Variants in CDKN2B-AS1 observed in about 807,000 individuals in gnomAD.
The protein encoded by CDKN2B-AS1 is CDKN2B and CDKN2A antisense cis and trans regulatory RNA 1.
At chr9:22,047,718 T>A (rs956007051) in intron 2 of CDKN2B-AS1, among the ~76,000 whole-genome samples, 1 of 152,162 alleles carries the variant, frequency 6.6e-6, no homozygotes, top group Non-Finnish European at 1.5e-5. Context: ...TCTAAATATT[T>A]TCCCTTTAAG....
intron 4 of CDKN2B-AS1, among the ~76,000 whole-genome samples, chr9:22,064,561 T>G (rs1823961822): frequency 6.6e-6 from 1 of 152,214 alleles, no homozygotes; most frequent in Admixed American, 6.5e-5. Context: ...AAACCTTAAT[T>G]GGAATTAATT....
chr9:22,100,768 C>T (rs1016569742), intron 4 of CDKN2B-AS1, among the ~76,000 whole-genome samples: 1 of 152,184 alleles, frequency 6.6e-6, no homozygotes, highest in African/African-American at 2.4e-5. Context: ...CTTCTACTAA[C>T]AATGTATGGA....
chr9:22,096,543 A>T (rs921546963), intron 4 of CDKN2B-AS1: 6 of 152,182 alleles, frequency 3.9e-5, no homozygotes, highest in Non-Finnish European at 8.8e-5. Context: ...TACAACTTAA[A>T]TCTGATCTTG....
chr9:22,077,382 C>A (rs1047343682), intron 4 of CDKN2B-AS1, among the ~76,000 whole-genome samples: 1 of 151,854 alleles, frequency 6.6e-6, no homozygotes, highest in African/African-American at 2.4e-5. Context: ...CATTAAATTG[C>A]CAATGGAAAT....
chr9:22,098,675 G>A lies in CDKN2B-AS1; in HGVS notation n.439-28428G>A, dbSNP rs10965231. Among the ~76,000 whole-genome samples, 906 of 152,224 alleles carry A rather than the reference G, an allele frequency of 6.0e-3. 8 individuals are homozygous for A. Among genetic ancestry groups the A allele is most frequent in the Admixed American group, 7.0e-3 (107 of 15,276 alleles). ...TTCTCTCATTGAGTCCCTTCAGCAA[G>A]CCCTTTTAGGTTTATGTTCTTAGAT... On this transcript the variant is annotated intron_variant and non_coding_transcript_variant, in intron 4 of 4. Coordinates refer to ENST00000650946, the Ensembl canonical transcript of CDKN2B-AS1.
chr9:22,097,661 A>G (rs1825329997), intron 4 of CDKN2B-AS1, among the ~76,000 whole-genome samples: 1 of 152,196 alleles, frequency 6.6e-6, no homozygotes, highest in African/African-American at 2.4e-5. Context: ...TTACAATTCT[A>G]AGAATAATAT....
rs140895701 is a variant in CDKN2B-AS1, at chr9:22,051,022, A to G, written n.302+1794A>G. The stretch of plus-strand genomic sequence containing the variant: ...AATATTGAGTTAATGACACAAGGAA[A>G]CACTTGGATGTTCATATTGTCTACT... On this transcript the variant is annotated intron_variant and non_coding_transcript_variant, in intron 3 of 4. Coordinates refer to ENST00000650946, the Ensembl canonical transcript of CDKN2B-AS1. 3.6e-4 allele frequency among the ~76,000 whole-genome samples: 55 copies of G among 152,288 alleles called. No homozygotes were observed. In the Middle Eastern group the frequency reaches 0.01, roughly 28 times the overall value.
intron 4 of CDKN2B-AS1, among the ~76,000 whole-genome samples, chr9:22,093,629 T>G (rs1825171747): frequency 7.2e-6 from 1 of 138,606 alleles, no homozygotes; most frequent in African/African-American, 3.2e-5. Context: ...TATCAGAGAC[T>G]AGGATTGCAA....
chr9:22,047,600 T>C (rs1028180253), intron 2 of CDKN2B-AS1, among the ~76,000 whole-genome samples: 1 of 152,148 alleles, frequency 6.6e-6, no homozygotes, highest in South Asian at 2.1e-4. Flanking sequence ...TTCTTATAGC[T>C]CATTTATACT....
At chr9:22,041,015 C>T (rs1043203016) in intron 1 of CDKN2B-AS1, among the ~76,000 whole-genome samples, 1 of 151,946 alleles carries the variant, frequency 6.6e-6, no homozygotes, top group African/African-American at 2.4e-5. Flanking sequence ...ATTTCTCTGA[C>T]TTTTCTTAGT....
chr9:22,006,856 G>A lies in CDKN2B-AS1; in HGVS notation n.29+11695G>A, dbSNP rs1216465739. On this transcript the variant is annotated intron_variant and non_coding_transcript_variant, in intron 1 of 4. Coordinates refer to ENST00000650946, the Ensembl canonical transcript of CDKN2B-AS1. The surrounding 1 kb of genome is among the most constrained non-coding windows in gnomAD (Gnocchi z 6.4). ...TAACTGGCTTGTAGTGTGATAATTT[G>A]AGCCAAAGTTGGAGATTAGAAGGGA... is the stretch of plus-strand genomic sequence containing the variant. Among the ~76,000 whole-genome samples, 1 of 151,764 alleles carries A rather than the reference G, an allele frequency of 6.6e-6. No homozygotes were observed. Among genetic ancestry groups the A allele is most frequent in the African/African-American group, 2.4e-5 (1 of 41,284 alleles).
rs75740449 is a variant in CDKN2B-AS1 at position 22,040,699 on chromosome 9, A to C, written n.30-6052A>C. 2.6e-3 allele frequency among the ~76,000 whole-genome samples: 392 copies of C among 152,174 alleles called. 3 individuals are homozygous for C. The highest frequency in any genetic ancestry group is 9.0e-3 in the African/African-American group (375 of 41,544). ...AGAAGATTGGAGACTGTGTGTGTGC[A>C]CGAATGCCTCCTTTGTAGCTGGATG... On this transcript the variant is annotated intron_variant and non_coding_transcript_variant, in intron 1 of 4. Transcript: ENST00000650946.
chr9:22,109,523 G>A (rs1253775416), intron 4 of CDKN2B-AS1, among the ~76,000 whole-genome samples: 2 of 152,150 alleles, frequency 1.3e-5, no homozygotes, highest in African/African-American at 4.8e-5. Flanking sequence ...GACAAACTCT[G>A]CCTTAGATTG....
At chr9:22,099,884 C>G (rs142869917) in intron 4 of CDKN2B-AS1, among the ~76,000 whole-genome samples, 36 of 152,194 alleles carry the variant, frequency 2.4e-4, no homozygotes, top group African/African-American at 7.9e-4. Flanking sequence ...ACACAAGAAA[C>G]AAATAACACC....
At chr9:22,074,524 C>T (rs2131320458) in intron 4 of CDKN2B-AS1, among the ~76,000 whole-genome samples, 1 of 152,286 alleles carries the variant, frequency 6.6e-6, no homozygotes, top group Admixed American at 6.5e-5. Flanking sequence ...TCCAAGTAAA[C>T]TTCAGACTTC....
intron 4 of CDKN2B-AS1, among the ~76,000 whole-genome samples, chr9:22,070,188 G>A (rs1178601372): frequency 2.0e-5 from 3 of 152,116 alleles, no homozygotes; most frequent in African/African-American, 7.2e-5. Context: ...TTTAAATTGT[G>A]TTTTAGATGA....
rs36049201 is a variant in CDKN2B-AS1 at position 22,081,275 on chromosome 9, C to CTT, written n.438+24906_438+24907dup. On this transcript the variant is annotated intron_variant and non_coding_transcript_variant, in intron 4 of 4. Coordinates refer to ENST00000650946, the Ensembl canonical transcript of CDKN2B-AS1. ...TGTTATCAGATATTTTGTTCTTTAG[C>CTT]TTTTTTTTTTTTTTTTTTTACATTA... Among the ~76,000 whole-genome samples, 424 of 124,490 alleles carry CTT rather than the reference C, an allele frequency of 3.4e-3. 5 individuals are homozygous for CTT. The highest frequency in any genetic ancestry group is 0.012 in the African/African-American group (393 of 33,246). The allele number at this position is 124,490 out of a possible 152,430, so 81.7% of individuals were successfully genotyped here. A position where few individuals can be genotyped will look rare whatever the true frequency, so the allele number is the denominator to read the frequency against.
At chr9:22,086,817 T>G (rs1824881642) in intron 4 of CDKN2B-AS1, among the ~76,000 whole-genome samples, 1 of 152,226 alleles carries the variant, frequency 6.6e-6, no homozygotes, top group Non-Finnish European at 1.5e-5. Context: ...GTTTCCAAAC[T>G]GTATCTACTG....
chr9:22,100,860 G>T (rs1281579973), intron 4 of CDKN2B-AS1, among the ~76,000 whole-genome samples: 1 of 152,146 alleles, frequency 6.6e-6, no homozygotes, highest in Non-Finnish European at 1.5e-5. Flanking sequence ...TTGTGAAGTG[G>T]TACTTCATTG....
Sources: gnomAD v4.1 joint callset for allele counts (sites outside exome capture counted in the v4.1 genomes callset) on GRCh38, gnomAD v4.1.1 for gene constraint, Gnocchi (gnomAD v3.1) non-coding constraint, MANE v1.5 for transcripts, NCBI Gene and HGNC (gene_info 2026-07-23, HGNC 2026-07-21) for gene names.